Variants in DPP10 observed in about 807,000 individuals in gnomAD.
The protein encoded by DPP10 is inactive dipeptidyl peptidase 10.
A neutral mutation model predicts 120.9 loss-of-function variants in DPP10; 33 were observed. The observed-to-expected ratio is 0.27, with a 90% confidence interval of 0.21 to 0.37. DPP10 has a LOEUF of 0.37. DPP10 is among the 10% of genes least tolerant of loss of function. The pLI is 1.00. For synonymous variants in DPP10, 337 were observed against 326.1 expected (o/e 1.03, Z -0.36); for missense variants, 816 against 942.8 (o/e 0.87, Z 1.76).
At chr2:115,341,184 G>A (rs977688568) in intron 2 of DPP10, among the ~76,000 whole-genome samples, 1 of 151,982 alleles carries the variant, frequency 6.6e-6, no homozygotes, top group Non-Finnish European at 1.5e-5. Flanking sequence ...TATCGCAAAT[G>A]TTCTTCCTCC....
chr2:115,662,260 T>A (rs1268373582), intron 5 of DPP10, among the ~76,000 whole-genome samples: 3 of 152,168 alleles, frequency 2.0e-5, no homozygotes, highest in Admixed American at 6.5e-5. Context: ...TATCCATCCA[T>A]CCACTGCAAG....
At chr2:115,588,133 T>C (rs1227908276) in intron 5 of DPP10, among the ~76,000 whole-genome samples, 1 of 152,172 alleles carries the variant, frequency 6.6e-6, no homozygotes, top group Non-Finnish European at 1.5e-5. Flanking sequence ...AATAAACTGT[T>C]CTCTTTAATA....
intron 1 of DPP10, among the ~76,000 whole-genome samples, chr2:115,276,300 T>C (rs1186741155): frequency 6.6e-6 from 1 of 152,082 alleles, no homozygotes; most frequent in Non-Finnish European, 1.5e-5. Context: ...GTCACTTGTA[T>C]CAGTCAAAAG....
intron 1 of DPP10, among the ~76,000 whole-genome samples, chr2:115,054,486 CT>C (rs1172409319): frequency 1.3e-5 from 2 of 152,124 alleles, no homozygotes; most frequent in Admixed American, 1.3e-4. Context: ...AAAAAGTGCA[CT>C]GTTGGGTTCA....
intron 1 of DPP10, among the ~76,000 whole-genome samples, chr2:114,603,043 C>T (rs1692496137): frequency 6.6e-6 from 1 of 152,036 alleles, no homozygotes; most frequent in African/African-American, 2.4e-5. Context: ...AGACAGTCCT[C>T]ATTGTCTGTC....
intron 2 of DPP10, among the ~76,000 whole-genome samples, chr2:115,332,045 A>G (rs773078615): frequency 7.2e-5 from 11 of 152,070 alleles, no homozygotes; most frequent in Non-Finnish European, 8.8e-5. Context: ...CTGTGAATCC[A>G]TCTGGTCCTG....
At chr2:115,489,649 A>G (rs1584401) in intron 3 of DPP10, among the ~76,000 whole-genome samples, 41,904 of 150,274 alleles carry the variant, frequency 0.28, 6,547 homozygotes, top group East Asian at 0.41. Flanking sequence ...GTACAATTTG[A>G]CTTAATTTCT....
At chr2:114,537,599 T>A (rs1336234871) in intron 1 of DPP10, among the ~76,000 whole-genome samples, 1 of 152,110 alleles carries the variant, frequency 6.6e-6, no homozygotes, top group Non-Finnish European at 1.5e-5. Flanking sequence ...CAACAATGCA[T>A]CAATTGTTCT....
intron 1 of DPP10, among the ~76,000 whole-genome samples, chr2:115,076,832 C>T (rs2104471295): frequency 6.6e-6 from 1 of 152,216 alleles, no homozygotes; most frequent in South Asian, 2.1e-4. Context: ...TTGAACATGC[C>T]TTGTGTTCAT....
intron 1 of DPP10, among the ~76,000 whole-genome samples, chr2:114,503,116 C>A (rs1046236037): frequency 1.3e-5 from 2 of 152,222 alleles, no homozygotes; most frequent in East Asian, 3.9e-4. Context: ...TTGGCTGCTG[C>A]ACCCTTTGCA....
At chr2:114,710,089 T>C (rs1407032518) in intron 1 of DPP10, among the ~76,000 whole-genome samples, 1 of 152,244 alleles carries the variant, frequency 6.6e-6, no homozygotes, top group African/African-American at 2.4e-5. Context: ...TAGTTAGGAC[T>C]GTAATGTGGG....
chr2:114,945,012 A>G (rs748626503), intron 1 of DPP10, among the ~76,000 whole-genome samples: 2 of 152,230 alleles, frequency 1.3e-5, no homozygotes, highest in Non-Finnish European at 2.9e-5. Context: ...TCAACAAATG[A>G]TATTGGAGAA....
At chr2:114,679,785 C>T (rs1698903900) in intron 1 of DPP10, among the ~76,000 whole-genome samples, 1 of 151,934 alleles carries the variant, frequency 6.6e-6, no homozygotes, top group South Asian at 2.1e-4. Flanking sequence ...TACAAGAATG[C>T]TTCAAACTAA....
At chr2:115,771,138 G>A (rs144057047) in intron 13 of DPP10, among the ~76,000 whole-genome samples, 223 of 151,822 alleles carry the variant, frequency 1.5e-3, no homozygotes, top group Middle Eastern at 3.4e-3. Flanking sequence ...GCAGTGACAC[G>A]ATCTCGGCTC....
intron 5 of DPP10, among the ~76,000 whole-genome samples, chr2:115,533,254 C>T (rs920272337): frequency 2.0e-5 from 3 of 152,054 alleles, no homozygotes; most frequent in East Asian, 1.9e-4. Flanking sequence ...TAGCTTTTTC[C>T]GAATGCAAGA....
At chr2:115,321,936 T>C (rs1007488223) in intron 2 of DPP10, among the ~76,000 whole-genome samples, 2 of 152,172 alleles carry the variant, frequency 1.3e-5, no homozygotes, top group African/African-American at 4.8e-5. Flanking sequence ...TACATTGTTA[T>C]TCTGGTTTCC....
chr2:115,531,600 A>G (rs1028022181), intron 5 of DPP10, among the ~76,000 whole-genome samples: 1 of 152,094 alleles, frequency 6.6e-6, no homozygotes, highest in African/African-American at 2.4e-5. Context: ...TATAGGTGGC[A>G]TAGTGGGGTG....
intron 1 of DPP10, among the ~76,000 whole-genome samples, chr2:115,286,493 T>TATATATATTACATATATAATATATATATA (rs1559366566): frequency 0.018 from 163 of 9,184 alleles, 12 homozygotes; most frequent in African/African-American, 0.031. Flanking sequence ...ATATATATAA[T>TATATATATTACATATATAATATATATATA]ATATATATAT....
At chr2:114,834,883 A>G (rs188334795) in intron 1 of DPP10, among the ~76,000 whole-genome samples, 2 of 103,892 alleles carry the variant, frequency 1.9e-5, no homozygotes, top group South Asian at 2.9e-4. Context: ...TATCTACACA[A>G]CTATGTATAT....
Sources: allele counts gnomAD v4.1 joint callset (sites outside exome capture counted in the v4.1 genomes callset), GRCh38; gene constraint gnomAD v4.1.1; transcripts MANE v1.5; gene names NCBI Gene and HGNC (gene_info 2026-07-23, HGNC 2026-07-21).